SCAPER: variants seen among roughly 807,000 people sequenced by gnomAD.
SCAPER encodes S phase cyclin A-associated protein in the endoplasmic reticulum.
Under a neutral mutation model 182.2 loss-of-function variants are expected in SCAPER, and 98 were observed. The ratio of observed to expected loss-of-function variants is 0.54; its 90% confidence interval spans 0.46 to 0.64. SCAPER has a LOEUF of 0.64. Ranked by LOEUF, SCAPER falls within the 30% of genes least tolerant of loss-of-function variation. SCAPER has a pLI of 0.00. For missense variants in SCAPER, 1,432 were observed against 1,690.0 expected (o/e 0.85, Z 2.68); for synonymous variants, 605 against 564.6 (o/e 1.07, Z -1.01).
intron 21 of SCAPER, among the ~76,000 whole-genome samples, chr15:76,641,524 C>T (rs2054103317): frequency 6.6e-6 from 1 of 152,118 alleles, no homozygotes; most frequent in South Asian, 2.1e-4. Context: ...TCTCAATCTG[C>T]TGATCCGCCT....
At chr15:76,689,729 T>C (rs2058243383) in intron 20 of SCAPER, among the ~76,000 whole-genome samples, 1 of 151,088 alleles carries the variant, frequency 6.6e-6, no homozygotes, top group African/African-American at 2.4e-5. Context: ...AGTGGCTGAT[T>C]CTAGGGCTAG....
chr15:76,814,139 G>A (rs889041163), intron 5 of SCAPER, among the ~76,000 whole-genome samples: 2 of 152,108 alleles, frequency 1.3e-5, no homozygotes, highest in African/African-American at 2.4e-5. Context: ...CCGCGCTCCA[G>A]CCTGGGCGTC....
Position 76,440,907 on chromosome 15 carries a change from GTTTTTTTTTTGTTTT to G in SCAPER, c.3079-6612_3079-6598del, listed in dbSNP as rs1170289562. 5.4e-3 allele frequency among the ~76,000 whole-genome samples: 447 copies of G among 82,880 alleles called. 9 individuals are homozygous for G. The highest frequency in any genetic ancestry group is 0.012 in the Admixed American group (60 of 5,154). The allele number at this position is 82,880 out of a possible 152,430, so 54.4% of individuals were successfully genotyped here. ...ATCTTTTAAAATTATTCCCCTTCTG[GTTTTTTTTTTGTTTT>G]TTTTTTTTTTTTTTTTGGGGACGGA... On this transcript the variant is annotated intron_variant, in intron 25 of 31. Transcript: ENST00000563290.
At chr15:76,825,256 T>A (rs1365114490) in intron 5 of SCAPER, among the ~76,000 whole-genome samples, 1 of 147,572 alleles carries the variant, frequency 6.8e-6, no homozygotes, top group Non-Finnish European at 1.5e-5. Flanking sequence ...AATTTGGTGA[T>A]TTTTTTTTTA....
At position 76,507,155 on chromosome 15, in the gene SCAPER, G is replaced by C. The variant is rs1364802588; in HGVS notation, c.2839-2181C>G. On this transcript the variant is annotated intron_variant, in intron 23 of 31. Coordinates refer to ENST00000563290, the MANE Select transcript of SCAPER (RefSeq NM_020843.4). The stretch of plus-strand genomic sequence containing the variant: ...AGAAGATCTTTAAAGTGGTAACTAA[G>C]TTAAAAGTGAGGCCGTTAGAGTAGG... Among the ~76,000 whole-genome samples, 8 of 152,138 alleles carry C rather than the reference G, an allele frequency of 5.3e-5. No individual in the cohort carries two copies. In the South Asian group the frequency reaches 1.2e-3, roughly 24 times the overall value.
chr15:76,421,575 T>C (rs1451934904), intron 26 of SCAPER, among the ~76,000 whole-genome samples: 1 of 152,252 alleles, frequency 6.6e-6, no homozygotes, highest in Non-Finnish European at 1.5e-5. Context: ...GTAGGTTGCC[T>C]GTTTACTCTG....
chr15:76,523,406 GGTCA>G (rs2042965573), intron 23 of SCAPER, among the ~76,000 whole-genome samples: 1 of 152,008 alleles, frequency 6.6e-6, no homozygotes, highest in Admixed American at 6.6e-5. Flanking sequence ...ATGGTTCCCA[GGTCA>G]GTCACTGATT....
At chr15:76,760,791 A>C (rs1334473210) in intron 14 of SCAPER, among the ~76,000 whole-genome samples, 1 of 152,158 alleles carries the variant, frequency 6.6e-6, no homozygotes, top group Non-Finnish European at 1.5e-5. Flanking sequence ...TATTGGAAAA[A>C]CAATATTATC....
chr15:76,510,886 T>TGC (rs1186195421), intron 23 of SCAPER, among the ~76,000 whole-genome samples: 6 of 138,866 alleles, frequency 4.3e-5, no homozygotes, highest in African/African-American at 1.8e-4. Context: ...TGTGTGTGTG[T>TGC]GTGCGCGCGC....
At chr15:76,760,380 A>G (rs1387636794) in intron 14 of SCAPER, among the ~76,000 whole-genome samples, 1 of 152,224 alleles carries the variant, frequency 6.6e-6, no homozygotes, top group Non-Finnish European at 1.5e-5. Context: ...AAGGATGCAG[A>G]TAAACAGCCA....
At chr15:76,448,454 C>A (rs1025287176) in intron 25 of SCAPER, among the ~76,000 whole-genome samples, 3 of 151,822 alleles carry the variant, frequency 2.0e-5, no homozygotes, top group Admixed American at 6.6e-5. Context: ...TGGGGGAAGC[C>A]GATTTTGAGG....
chr15:76,508,480 C>T lies in SCAPER; in HGVS notation c.2839-3506G>A, dbSNP rs377243259. On this transcript the variant is annotated intron_variant, in intron 23 of 31. Transcript: ENST00000563290. Reference sequence around the variant, plus strand: ...ATAGGTTCAGTTTTAGTAGCTATGGCCAAACAGCTTTCTAAAATATTTCAA... The same window carrying T: ...ATAGGTTCAGTTTTAGTAGCTATGGTCAAACAGCTTTCTAAAATATTTCAA... 3.9e-5 allele frequency among the ~76,000 whole-genome samples: 6 copies of T among 152,152 alleles called. No individual in the cohort carries two copies. The East Asian group carries it at 1.2e-3, about 29-fold the overall frequency.
chr15:76,783,787 G>C (rs906640859), intron 8 of SCAPER, among the ~76,000 whole-genome samples: 11 of 151,400 alleles, frequency 7.3e-5, no homozygotes, highest in African/African-American at 2.4e-4. Context: ...GACAAAAACC[G>C]CAATTATCTC....
chr15:76,637,757 T>C (rs1000921685), intron 21 of SCAPER, among the ~76,000 whole-genome samples: 9 of 107,106 alleles, frequency 8.4e-5, no homozygotes, highest in African/African-American at 4.3e-4. Flanking sequence ...TGTGTGTGTG[T>C]GTGTGTGTGT....
At chr15:76,429,510 G>A (rs1032162093) in intron 26 of SCAPER, among the ~76,000 whole-genome samples, 6 of 152,254 alleles carry the variant, frequency 3.9e-5, no homozygotes, top group East Asian at 3.9e-4. Context: ...CTCAGATGGC[G>A]ATGAGGAAAT....
At chr15:76,531,056 T>C (rs1321351153) in intron 23 of SCAPER, among the ~76,000 whole-genome samples, 1 of 152,008 alleles carries the variant, frequency 6.6e-6, no homozygotes, top group African/African-American at 2.4e-5. Context: ...AGTTCTTGAT[T>C]ATATTGATAA....
At chr15:76,370,570 G>GCTGGGATTATAGACTTGGGC (rs1482118084) in intron 29 of SCAPER, among the ~76,000 whole-genome samples, 17 of 152,110 alleles carry the variant, frequency 1.1e-4, no homozygotes, top group Non-Finnish European at 2.4e-4. Context: ...TGCCCAAAGT[G>GCTGGGATTATAGACTTGGGC]CTGGGATTAT....
intron 27 of SCAPER, among the ~76,000 whole-genome samples, chr15:76,387,024 A>C (rs1351984563): frequency 6.6e-6 from 1 of 152,216 alleles, no homozygotes; most frequent in Non-Finnish European, 1.5e-5. Flanking sequence ...TAATCATCCA[A>C]GTGAGAAATA....
At chr15:76,641,696 G>T (rs528525195) in intron 21 of SCAPER, among the ~76,000 whole-genome samples, 1 of 152,302 alleles carries the variant, frequency 6.6e-6, no homozygotes, top group East Asian at 1.9e-4. Context: ...ACAAGAAAAG[G>T]AGGCACTGGG....
Sources: allele counts gnomAD v4.1 joint callset (sites outside exome capture counted in the v4.1 genomes callset), GRCh38; gene constraint gnomAD v4.1.1; transcripts MANE v1.5; gene names NCBI Gene and HGNC (gene_info 2026-07-23, HGNC 2026-07-21).